The following C2CD2 variants were observed in gnomAD, a reference collection of about 807,000 sequenced individuals.
The protein encoded by C2CD2 is C2 calcium dependent domain containing 2.
In C2CD2, 43 loss-of-function variants were observed where a neutral mutation model predicts 74.3. The ratio of observed to expected loss-of-function variants is 0.58; its 90% CI spans 0.45 to 0.75. C2CD2 has a LOEUF of 0.75. C2CD2 is among the 30% of genes least tolerant of loss of function. C2CD2 has a pLI of 0.00. For synonymous variants in C2CD2, 422 were observed against 390.7 expected, an observed-to-expected ratio of 1.08 and a Z score of -0.94; for missense variants, 801 against 916.3, an observed-to-expected ratio of 0.87 and a Z score of 1.63.
intron 7 of C2CD2, 35 bp downstream of exon 7, chr21:41,912,297 G>T: frequency 1.5e-6 from 2 of 1,335,134 alleles, no homozygotes; most frequent in Non-Finnish European, 2.1e-6. Context: ...AGACACGGCC[G>T]TGGACACACA....
At chr21:41,891,880 C>T (rs1273072616) in intron 13 of C2CD2, among the ~76,000 whole-genome samples, 1 of 152,210 alleles carries the variant, frequency 6.6e-6, no homozygotes, top group South Asian at 2.1e-4. Flanking sequence ...GCTCCACCTC[C>T]AAAGTCCATT....
intron 1 of C2CD2, among the ~76,000 whole-genome samples, chr21:41,944,521 C>CAAAAAAAAAAAAAA (rs369422328): frequency 4.1e-5 from 4 of 97,932 alleles, no homozygotes; most frequent in African/African-American, 3.9e-5. Context: ...GACTCTGCCT[C>CAAAAAAAAAAAAAA]AAAAAAAAAA....
chr21:41,932,764 C>T (rs1246924246), intron 2 of C2CD2, among the ~76,000 whole-genome samples: 5 of 150,602 alleles, frequency 3.3e-5, no homozygotes, highest in Admixed American at 3.3e-4. Flanking sequence ...TCAAGCTGCT[C>T]CAAGTTCTGG....
chr21:41,899,467 A>C lies in C2CD2; in HGVS notation c.1561-105T>G. The C allele has an allele frequency of 9.0e-7, 1 of 1,105,314 alleles. No individual in the cohort carries two copies. The highest frequency in any genetic ancestry group is 1.3e-6 in the Non-Finnish European group (1 of 774,942). The allele number at this position is 1,105,314 out of a possible 1,614,324, so 68.5% of individuals were successfully genotyped here. ...AAAACATTCTGACAGCTGATTTCAA[A>C]GTCTCAGAAGATGCAGCCGTGGGCC... On this transcript the variant is annotated intron_variant, in intron 12 of 13. Transcript: ENST00000380486. This position sits in a 1 kb window ranked among gnomAD's most constrained non-coding sequence, Gnocchi z 4.4.
intron 2 of C2CD2, among the ~76,000 whole-genome samples, chr21:41,938,495 C>A (rs542597516): frequency 3.9e-5 from 6 of 152,236 alleles, no homozygotes; most frequent in African/African-American, 1.4e-4. Flanking sequence ...TCACCATCCA[C>A]CTCCAGAACC....
In C2CD2 at chr21:41,901,606, GC is replaced by G; in HGVS notation, c.1560+15del. 6.2e-7 allele frequency: 1 copy of G among 1,613,918 alleles called. No homozygotes were observed. Among genetic ancestry groups the G allele is most frequent in the Non-Finnish European group, 8.5e-7 (1 of 1,179,768 alleles). ...AGATGACCAGATGAACACCTCCCCA[GC>G]CACCACGATGGTACCTTGGAGATCC... On this transcript the variant is annotated intron_variant, in intron 12 of 13. Transcript: ENST00000380486.
intron 12 of C2CD2, 142 bp downstream of exon 12, chr21:41,901,480 G>A: frequency 2.4e-6 from 2 of 849,570 alleles, no homozygotes; most frequent in Non-Finnish European, 2.0e-6. Context: ...CCTTTGTGGG[G>A]TGAGGAACAT....
rs369436071 is a variant in C2CD2, at chr21:41,899,150, C to T, written c.1773G>A (p.Ala591=). Residue 591 remains alanine, a synonymous_variant, in exon 13 of 14, where the codon GCG becomes GCA. Transcript: ENST00000380486. This position sits in a 1 kb window ranked among gnomAD's most constrained non-coding sequence, Gnocchi z 4.4. ...CCAGCAGGACCTGGCTGCTCCATGC[C>T]GCGGCCTGTGGCTCCTTCTCCAAGT... ...SWDLEKEPQA[A]AWSSQVLLDP... 2.7e-5 allele frequency: 43 copies of T among 1,613,538 alleles called. No homozygotes were observed. Among genetic ancestry groups the T allele is most frequent in the African/African-American group, 6.7e-5 (5 of 74,910 alleles).
In C2CD2 at chr21:41,953,612, C is replaced by G. The variant is rs1266738043; in HGVS notation, c.37G>C (p.Ala13Pro). 2 of 1,492,432 alleles carry G rather than the reference C, an allele frequency of 1.3e-6. No individual in the cohort carries two copies. The highest frequency in any genetic ancestry group is 1.8e-6 in the Non-Finnish European group (2 of 1,130,770). 92.4% of individuals were successfully genotyped at this position (1,492,432 alleles called of 1,614,324 possible). ...MARLGSWLGE[A>P]QWLALVSLFV... ...AGCGACACCAGCGCGAGCCACTGCG[C>G]CTCCCCGAGCCACGAGCCCAGCCGG... Residue 13 changes from alanine (A) to proline (P), a missense_variant, in exon 1 of 14, where the codon GCG becomes CCG. By Grantham distance (27) the Ala-to-Pro change is conservative. Transcript: ENST00000380486.
chr21:41,942,171 G>A lies in C2CD2; in HGVS notation c.354C>T (p.Ser118=), dbSNP rs1468844559. ...ALELVVQEVS[S]VLRSAEEKVV... ...CCTTCTCCTCCGCCGACCTGAGCACGCTGGAGACCTCCTGCACCACCAGCT... is the reference window on the plus strand; with the variant it reads ...CCTTCTCCTCCGCCGACCTGAGCACACTGGAGACCTCCTGCACCACCAGCT... Residue 118 remains serine (S), a synonymous_variant, in exon 2 of 14, where the codon AGC becomes AGT. Coordinates refer to ENST00000380486, the MANE Select transcript of C2CD2 (RefSeq NM_015500.2). 8 of 1,549,284 alleles carry A rather than the reference G, an allele frequency of 5.2e-6. No individual in the cohort carries two copies. Among genetic ancestry groups the A allele is most frequent in the African/African-American group, 2.7e-5 (2 of 72,966 alleles).
intron 1 of C2CD2, among the ~76,000 whole-genome samples, chr21:41,947,408 C>T (rs2065410480): frequency 6.6e-6 from 1 of 152,072 alleles, no homozygotes; most frequent in Non-Finnish European, 1.5e-5. Context: ...CCGCCCGCCT[C>T]AGTCTCCCAA....
Position 41,906,944 on chromosome 21 carries a change from G to A in C2CD2, c.1318+48C>T, listed in dbSNP as rs371983526. ...CAGTTGTGGGGGCAAGGTGGTTACA[G>A]GCAGGCGTCATGCAGAAAGTTCCTC... On this transcript the variant is annotated intron_variant, in intron 10 of 13. Coordinates refer to ENST00000380486, the MANE Select transcript of C2CD2 (RefSeq NM_015500.2). The A allele has an allele frequency of 6.5e-5, 97 of 1,492,044 alleles. No homozygotes were observed. In the South Asian group the frequency reaches 1.1e-3, roughly 17 times the overall value. 92.4% of individuals were successfully genotyped at this position (1,492,044 alleles called of 1,614,324 possible).
chr21:41,889,086 G>C lies in C2CD2; in HGVS notation c.*38C>G, dbSNP rs1226135701. ...GTCCTGGTGAGGGTAGTTAACATGG[G>C]TGCACGTCTTCTGGCTTGGAGGTGA... On this transcript the variant is annotated 3_prime_UTR_variant, in exon 14 of 14. Transcript: ENST00000380486. 1 of 1,498,210 alleles carries C rather than the reference G, an allele frequency of 6.7e-7. No individual in the cohort carries two copies. The allele number at this position is 1,498,210 out of a possible 1,614,324, so 92.8% of individuals were successfully genotyped here. A position where few individuals can be genotyped will look rare whatever the true frequency, so the allele number is the denominator to read the frequency against.
intron 10 of C2CD2, among the ~76,000 whole-genome samples, chr21:41,906,118 G>T (rs552727240): frequency 6.6e-6 from 1 of 152,306 alleles, no homozygotes; most frequent in African/African-American, 2.4e-5. Flanking sequence ...TAATGCTTTT[G>T]CCCAAGCAGA....
intron 7 of C2CD2, among the ~76,000 whole-genome samples, chr21:41,909,944 C>T (rs1254120395): frequency 6.6e-6 from 1 of 151,162 alleles, no homozygotes; most frequent in African/African-American, 2.4e-5. Context: ...AAATACGGAA[C>T]ATGATATACC....
At chr21:41,922,847 GATAA>G (rs535547826) in intron 2 of C2CD2, among the ~76,000 whole-genome samples, 1 of 152,278 alleles carries the variant, frequency 6.6e-6, no homozygotes, top group East Asian at 1.9e-4. Context: ...TTCAAAGTTG[GATAA>G]ATATTCAGAT....
intron 13 of C2CD2, among the ~76,000 whole-genome samples, chr21:41,896,355 C>CCACACG (rs1179332282): frequency 6.6e-6 from 1 of 152,126 alleles, no homozygotes; most frequent in African/African-American, 2.4e-5. Flanking sequence ...TCTACAGACA[C>CCACACG]CACACGCACA....
At chr21:41,894,970 G>A (rs962109858) in intron 13 of C2CD2, 10 of 456,440 alleles carry the variant, frequency 2.2e-5, no homozygotes, top group African/African-American at 8.0e-5. Flanking sequence ...GTGAGGTGTC[G>A]CTGTGTCAAC....
At chr21:41,896,475 T>C (rs2064823412) in intron 13 of C2CD2, among the ~76,000 whole-genome samples, 1 of 152,192 alleles carries the variant, frequency 6.6e-6, no homozygotes, top group African/African-American at 2.4e-5. Flanking sequence ...ATACCCATAA[T>C]ATACCCTCTT....
Sources: gnomAD v4.1 joint callset for allele counts (sites outside exome capture counted in the v4.1 genomes callset) on GRCh38, gnomAD v4.1.1 for gene constraint, Gnocchi (gnomAD v3.1) non-coding constraint, MANE v1.5 for transcripts, NCBI Gene and HGNC (gene_info 2026-07-23, HGNC 2026-07-21) for gene names.